Variants in GAB1 observed in about 807,000 individuals in gnomAD.
The protein encoded by GAB1 is GRB2-associated-binding protein 1.
GAB1 carries 19 observed loss-of-function variants against 66.5 expected under a neutral mutation model. The observed-to-expected ratio is 0.29, with a 90% CI of 0.20 to 0.42. The LOEUF (loss-of-function observed/expected upper bound fraction) is 0.42. Among genes scored for constraint, GAB1 ranks in the 10% least tolerant of loss-of-function variants. GAB1 has a pLI of 1.00. For synonymous variants in GAB1, 294 were observed against 301.4 expected (o/e 0.98, Z 0.25); for missense variants, 732 against 858.5 (o/e 0.85, Z 1.84).
At chr4:143,453,409 A>G (rs912338263) in intron 6 of GAB1, among the ~76,000 whole-genome samples, 4 of 152,200 alleles carry the variant, frequency 2.6e-5, no homozygotes, top group Admixed American at 6.5e-5. Flanking sequence ...GAAGAACTCG[A>G]GTGAAAGGCT....
At chr4:143,368,069 T>C (rs1160025583) in intron 1 of GAB1, among the ~76,000 whole-genome samples, 1 of 152,104 alleles carries the variant, frequency 6.6e-6, no homozygotes, top group Non-Finnish European at 1.5e-5. Context: ...CAGAGCACTC[T>C]TCTCAGGTGC....
intron 6 of GAB1, among the ~76,000 whole-genome samples, chr4:143,447,655 T>G (rs1174030387): frequency 6.6e-6 from 1 of 152,232 alleles, no homozygotes; most frequent in Non-Finnish European, 1.5e-5. Context: ...GAGACTTTGC[T>G]GAAGTTGCTT....
intron 6 of GAB1, among the ~76,000 whole-genome samples, chr4:143,441,087 AT>A (rs201950585): frequency 4.6e-5 from 7 of 151,542 alleles, no homozygotes; most frequent in African/African-American, 1.2e-4. Flanking sequence ...CTAGTCTGTC[AT>A]TTTTTTTTCC....
At chr4:143,343,397 C>CA (rs1272618185) in intron 1 of GAB1, 1 of 154,650 alleles carries the variant, frequency 6.5e-6, no homozygotes, top group Non-Finnish European at 1.5e-5. Flanking sequence ...GACCTGCATG[C>CA]AGGGCCTTTG....
chr4:143,403,333 C>T (rs998511406), intron 1 of GAB1, among the ~76,000 whole-genome samples: 3 of 152,062 alleles, frequency 2.0e-5, no homozygotes, highest in Admixed American at 6.6e-5. Context: ...TCCTTACAGC[C>T]GCTGTTATTT....
chr4:143,425,795 C>A, intron 2 of GAB1: 1 of 790,812 alleles, frequency 1.3e-6, no homozygotes, highest in South Asian at 1.3e-5. Context: ...GATCTGAAGG[C>A]ATGCAGGTGC....
intron 1 of GAB1, among the ~76,000 whole-genome samples, chr4:143,401,784 T>C (rs1381893267): frequency 3.9e-5 from 6 of 152,188 alleles, no homozygotes; most frequent in Non-Finnish European, 8.8e-5. Flanking sequence ...TGAATAAAGA[T>C]TAGATGAGAA....
rs28925880 is a variant in GAB1 at position 143,402,585 on chromosome 4, G to A, written c.73-12892G>A. ...GCCAAATAACTTCCTTCAGAATTTCGTGAAGGTCAGGTCCCATCACAAAGG... is the reference window on the plus strand; with the variant it reads ...GCCAAATAACTTCCTTCAGAATTTCATGAAGGTCAGGTCCCATCACAAAGG... On this transcript the variant is annotated intron_variant, in intron 1 of 9. Coordinates refer to ENST00000262994, the MANE Select transcript of GAB1 (RefSeq NM_002039.4). Among the ~76,000 whole-genome samples the A allele has an allele frequency of 1.7e-3, 259 of 152,268 alleles. 2 individuals carry two copies. Among genetic ancestry groups the A allele is most frequent in the African/African-American group, 6.0e-3 (251 of 41,550 alleles).
chr4:143,426,511 C>G (rs1733364392), intron 2 of GAB1, among the ~76,000 whole-genome samples: 1 of 152,030 alleles, frequency 6.6e-6, no homozygotes, highest in Admixed American at 6.5e-5. Context: ...CCACTGCACT[C>G]CAGCCTGGGC....
chr4:143,465,654 G>C (rs1377704282), intron 8 of GAB1, among the ~76,000 whole-genome samples: 1 of 152,134 alleles, frequency 6.6e-6, no homozygotes, highest in African/African-American at 2.4e-5. Context: ...AAGGAAATTA[G>C]GTGGTAAAAA....
chr4:143,447,422 G>C lies in GAB1; in HGVS notation c.1585+7040G>C, dbSNP rs368875353. ...TTTCACGATATTGATTCTTCCTACC[G>C]ATGAGCATGGAATGTTCTTCCATTT... On this transcript the variant is annotated intron_variant, in intron 6 of 9. Coordinates refer to ENST00000262994, the MANE Select transcript of GAB1 (RefSeq NM_002039.4). Among the ~76,000 whole-genome samples, 200 of 152,118 alleles carry C rather than the reference G, an allele frequency of 1.3e-3. 1 individual carries two copies. The Middle Eastern group carries it at 0.014, about 10-fold the overall frequency.
chr4:143,401,026 A>G (rs114564672), intron 1 of GAB1, among the ~76,000 whole-genome samples: 1 of 151,934 alleles, frequency 6.6e-6, no homozygotes, highest in Non-Finnish European at 1.5e-5. Context: ...TCAACAAAAT[A>G]CAGAACGGTG....
intron 1 of GAB1, among the ~76,000 whole-genome samples, chr4:143,350,678 C>CAAAAAAAAAAAAAAAAAAA (rs34098103): frequency 1.1e-5 from 1 of 88,518 alleles, no homozygotes; most frequent in Non-Finnish European, 2.2e-5. Flanking sequence ...AACTCCGTCT[C>CAAAAAAAAAAAAAAAAAAA]AAAAAAAAAA....
chr4:143,401,795 T>A lies in GAB1; in HGVS notation c.73-13682T>A, dbSNP rs891452679. Among the ~76,000 whole-genome samples the A allele has an allele frequency of 7.2e-5, 11 of 152,328 alleles. No homozygotes were observed. The South Asian group carries it at 1.4e-3, about 20-fold the overall frequency. ...GATATGAATAAAGATTAGATGAGAA[T>A]ATGGAGAAATAGATTTTTTGATGCT... is the stretch of plus-strand genomic sequence containing the variant. On this transcript the variant is annotated intron_variant, in intron 1 of 9. Coordinates refer to ENST00000262994, the MANE Select transcript of GAB1 (RefSeq NM_002039.4).
chr4:143,439,929 G>T (rs1423451795), intron 5 of GAB1, 42 bp downstream of exon 5: 1 of 1,507,198 alleles, frequency 6.6e-7, no homozygotes, highest in Admixed American at 1.7e-5. Flanking sequence ...GTATTTCATT[G>T]TCTAAATCTT....
chr4:143,411,751 G>A (rs1051242381), intron 1 of GAB1, among the ~76,000 whole-genome samples: 5 of 152,124 alleles, frequency 3.3e-5, no homozygotes, highest in African/African-American at 7.2e-5. Context: ...TTCTCTTGTC[G>A]AGCATCAAGC....
chr4:143,350,011 C>G, intron 1 of GAB1: 2 of 1,566,304 alleles, frequency 1.3e-6, no homozygotes, highest in East Asian at 2.3e-5. Flanking sequence ...TCCGCGACCC[C>G]GGCCCCGGAT....
Position 143,409,287 on chromosome 4 carries a change from G to A in GAB1, c.73-6190G>A, listed in dbSNP as rs551241048. ...GTGCTGTCTGAGGCCATCTGTGGAG[G>A]TGAGAGATTGGAGAGATGAGACAGG... On this transcript the variant is annotated intron_variant, in intron 1 of 9. Transcript: ENST00000262994. Among the ~76,000 whole-genome samples the A allele has an allele frequency of 3.9e-5, 6 of 152,254 alleles. No individual in the cohort carries two copies. The South Asian group carries it at 1.2e-3, about 32-fold the overall frequency.
chr4:143,399,263 G>A (rs1399569863), intron 1 of GAB1, among the ~76,000 whole-genome samples: 1 of 152,160 alleles, frequency 6.6e-6, no homozygotes, highest in Non-Finnish European at 1.5e-5. Context: ...CTACCTAGAT[G>A]CAATCAAAGA....
Sources: gnomAD v4.1 joint callset for allele counts (sites outside exome capture counted in the v4.1 genomes callset) on GRCh38, gnomAD v4.1.1 for gene constraint, MANE v1.5 for transcripts, NCBI Gene and HGNC (gene_info 2026-07-23, HGNC 2026-07-21) for gene names.